The following TOLLIP variants were observed in gnomAD, a reference collection of about 807,000 sequenced individuals.
TOLLIP encodes toll interacting protein.
TOLLIP carries 16 observed loss-of-function variants against 33.5 expected under a neutral mutation model. The observed-to-expected ratio is 0.48, with a 90% CI of 0.32 to 0.72. TOLLIP has a LOEUF of 0.72. Ranked by LOEUF, TOLLIP falls within the 30% of genes least tolerant of loss-of-function variation. The pLI, the probability that TOLLIP is intolerant of heterozygous loss-of-function variation, is 0.03. For synonymous variants in TOLLIP, 176 were observed against 163.7 expected (o/e 1.07, Z -0.57); for missense variants, 325 against 396.6 (o/e 0.82, Z 1.53).
Position 1,276,597 on chromosome 11 carries a change from C to A in TOLLIP, c.*442G>T, listed in dbSNP as rs1863309609. ...GGCGTGAGTTTTCGTCTGGGAAGTTCTAAAAAAAACCCACAGTGTGAGGGA... is the reference window on the plus strand; with the variant it reads ...GGCGTGAGTTTTCGTCTGGGAAGTTATAAAAAAAACCCACAGTGTGAGGGA... On this transcript the variant is annotated 3_prime_UTR_variant, in exon 6 of 6. Coordinates refer to ENST00000317204, the MANE Select transcript of TOLLIP (RefSeq NM_019009.4). 1 of 1,182,286 alleles carries A rather than the reference C, an allele frequency of 8.5e-7. No homozygotes were observed. The highest frequency in any genetic ancestry group is 2.4e-5 in the Admixed American group (1 of 40,940). 73.2% of individuals were successfully genotyped at this position (1,182,286 alleles called of 1,614,324 possible). A position where few individuals can be genotyped will look rare whatever the true frequency, so the allele number is the denominator to read the frequency against.
chr11:1,285,194 C>T (rs376459543), intron 5 of TOLLIP, among the ~76,000 whole-genome samples: 3 of 152,354 alleles, frequency 2.0e-5, no homozygotes, highest in East Asian at 3.9e-4. Flanking sequence ...CTGCCCGCAA[C>T]TTGGCCACTT....
At chr11:1,297,359 C>G (rs533484841) in intron 1 of TOLLIP, among the ~76,000 whole-genome samples, 6 of 152,244 alleles carry the variant, frequency 3.9e-5, no homozygotes, top group Admixed American at 3.9e-4. Context: ...CCTGTGTCCC[C>G]ATCTAAGGCC....
intron 1 of TOLLIP, among the ~76,000 whole-genome samples, chr11:1,297,912 A>G: frequency 6.6e-6 from 1 of 152,172 alleles, no homozygotes; most frequent in East Asian, 1.9e-4. Context: ...GGCACACAGG[A>G]AACACTGGGG....
At chr11:1,298,533 G>T (rs1181373436) in intron 1 of TOLLIP, 2 of 152,220 alleles carry the variant, frequency 1.3e-5, no homozygotes, top group Non-Finnish European at 2.9e-5. Flanking sequence ...CACTCTTTAG[G>T]TGTCCGTTAA....
chr11:1,282,071 T>TA (rs1259656428), intron 5 of TOLLIP, among the ~76,000 whole-genome samples: 23 of 152,230 alleles, frequency 1.5e-4, no homozygotes, highest in African/African-American at 5.3e-4. Flanking sequence ...CTAGGATAAT[T>TA]AAAAAATACT....
intron 5 of TOLLIP, among the ~76,000 whole-genome samples, chr11:1,281,768 C>T (rs1863507190): frequency 6.6e-6 from 1 of 152,274 alleles, no homozygotes; most frequent in Non-Finnish European, 1.5e-5. Flanking sequence ...GGCTTCTCCA[C>T]CATGTGAGTC....
At chr11:1,300,677 A>G (rs1199192987) in intron 1 of TOLLIP, among the ~76,000 whole-genome samples, 1 of 152,140 alleles carries the variant, frequency 6.6e-6, no homozygotes, top group Non-Finnish European at 1.5e-5. Flanking sequence ...CTTGGGCCAC[A>G]CTTTCTGCCT....
At chr11:1,282,865 A>G (rs5743994) in intron 5 of TOLLIP, among the ~76,000 whole-genome samples, 3,483 of 151,740 alleles carry the variant, frequency 0.023, 111 homozygotes, top group African/African-American at 0.079. Flanking sequence ...GCAGCACACC[A>G]ACATGGCACA....
chr11:1,287,956 T>C (rs898725084), intron 4 of TOLLIP, among the ~76,000 whole-genome samples: 6 of 151,278 alleles, frequency 4.0e-5, no homozygotes, highest in African/African-American at 1.5e-4. Context: ...CACAGCACCA[T>C]TTTTCAGTAA....
chr11:1,286,178 TC>T, intron 4 of TOLLIP, 86 bp from the exon 5 acceptor site: 1 of 1,030,878 alleles, frequency 9.7e-7, no homozygotes, highest in Non-Finnish European at 1.4e-6. Context: ...ACAATTGCCC[TC>T]CCCACGCCAG....
At chr11:1,286,731 T>G (rs1438737235) in intron 4 of TOLLIP, among the ~76,000 whole-genome samples, 1 of 151,558 alleles carries the variant, frequency 6.6e-6, no homozygotes, top group Non-Finnish European at 1.5e-5. Flanking sequence ...GTCACTGCAC[T>G]GCTGTCTCCT....
rs192017024 is a variant in TOLLIP, at chr11:1,280,531, G to A, written c.611-3278C>T. Among the ~76,000 whole-genome samples, 334 of 152,168 alleles carry A rather than the reference G, an allele frequency of 2.2e-3. 5 individuals are homozygous for A. Among genetic ancestry groups the A allele is most frequent in the African/African-American group, 7.6e-3 (317 of 41,550 alleles). On this transcript the variant is annotated intron_variant, in intron 5 of 5. Coordinates refer to ENST00000317204, the MANE Select transcript of TOLLIP (RefSeq NM_019009.4). ...ACGTGGGGGCAGCAGAGAAAAGAGAGAAGCACTCCAGGCCCGTGTGAAATG... is the reference window on the plus strand; with the variant it reads ...ACGTGGGGGCAGCAGAGAAAAGAGAAAAGCACTCCAGGCCCGTGTGAAATG...
At chr11:1,296,526 A>G (rs1864116360) in intron 1 of TOLLIP, among the ~76,000 whole-genome samples, 1 of 152,102 alleles carries the variant, frequency 6.6e-6, no homozygotes, top group East Asian at 1.9e-4. Flanking sequence ...GGCCCTGAGC[A>G]TGGGTCTGGC....
intron 3 of TOLLIP, among the ~76,000 whole-genome samples, chr11:1,289,925 C>T (rs918074315): frequency 6.6e-6 from 1 of 152,210 alleles, no homozygotes; most frequent in Non-Finnish European, 1.5e-5. Context: ...CTGGAAATCC[C>T]ACCTGCTGGT....
At chr11:1,299,469 C>T (rs1864203940) in intron 1 of TOLLIP, among the ~76,000 whole-genome samples, 1 of 152,132 alleles carries the variant, frequency 6.6e-6, no homozygotes, top group Admixed American at 6.5e-5. Context: ...GACACTCGGT[C>T]CTTCAGTAAA....
chr11:1,286,156 A>G (rs1228281539), intron 4 of TOLLIP, 64 bp from the exon 5 acceptor site: 2 of 1,319,954 alleles, frequency 1.5e-6, no homozygotes, highest in African/African-American at 2.9e-5. Context: ...AACCTCGGGA[A>G]TCGCCCTCCC....
At chr11:1,301,186 T>C (rs1864265430) in intron 1 of TOLLIP, among the ~76,000 whole-genome samples, 1 of 152,254 alleles carries the variant, frequency 6.6e-6, no homozygotes, top group Admixed American at 6.5e-5. Flanking sequence ...CAATAAAAAA[T>C]ATCCTTAGTG....
rs982699637 is a variant in TOLLIP, at chr11:1,290,726, T to C, written c.184-317A>G. On this transcript the variant is annotated intron_variant, in intron 2 of 5. Transcript: ENST00000317204. The surrounding 1 kb of genome is among the most constrained non-coding windows in gnomAD (Gnocchi z 4.9). ...AAGGGCGCACTCTCTAATGCCCTCC[T>C]CAGAAGTGGCTGAGGAGGGAAAGAG... Among the ~76,000 whole-genome samples the C allele has an allele frequency of 6.6e-6, 1 of 152,044 alleles. No individual in the cohort carries two copies. The highest frequency in any genetic ancestry group is 2.4e-5 in the African/African-American group (1 of 41,360).
chr11:1,276,598 TA>T lies in TOLLIP; in HGVS notation c.*440del, dbSNP rs910665507. 4.0e-5 allele frequency: 47 copies of T among 1,184,324 alleles called. No individual in the cohort carries two copies. Among genetic ancestry groups the T allele is most frequent in the Admixed American group, 7.3e-5 (3 of 40,954 alleles). 73.4% of individuals were successfully genotyped at this position (1,184,324 alleles called of 1,614,324 possible). ...GCGTGAGTTTTCGTCTGGGAAGTTCTAAAAAAAACCCACAGTGTGAGGGATT... is the reference window on the plus strand; with the variant it reads ...GCGTGAGTTTTCGTCTGGGAAGTTCTAAAAAAACCCACAGTGTGAGGGATT... On this transcript the variant is annotated 3_prime_UTR_variant, in exon 6 of 6. Coordinates refer to ENST00000317204, the MANE Select transcript of TOLLIP (RefSeq NM_019009.4).
Sources: allele counts gnomAD v4.1 joint callset (sites outside exome capture counted in the v4.1 genomes callset), GRCh38; gene constraint gnomAD v4.1.1; non-coding constraint Gnocchi (gnomAD v3.1); transcripts MANE v1.5; gene names NCBI Gene and HGNC (gene_info 2026-07-23, HGNC 2026-07-21).